The following CLSTN2 variants were observed in gnomAD, a reference collection of about 807,000 sequenced individuals.
The protein encoded by CLSTN2 is calsyntenin 2.
In CLSTN2, 48 loss-of-function variants were observed where a neutral mutation model predicts 101.2. The observed-to-expected ratio is 0.47, with a 90% confidence interval of 0.38 to 0.60. The LOEUF (loss-of-function observed/expected upper bound fraction) is 0.60, where lower values mean the gene tolerates loss of function less well. CLSTN2 is among the 20% of genes least tolerant of loss of function. The probability of loss-of-function intolerance (pLI) is 0.00; values close to 1 mark genes in which losing one functional copy is unlikely to be tolerated. For synonymous variants in CLSTN2, 481 were observed against 463.6 expected, an observed-to-expected ratio of 1.04 and a Z score of -0.48; for missense variants, 1,160 against 1,238.2, an observed-to-expected ratio of 0.94 and a Z score of 0.95.
chr3:140,140,602 C>G (rs2009682024), intron 1 of CLSTN2, among the ~76,000 whole-genome samples: 1 of 152,158 alleles, frequency 6.6e-6, no homozygotes, highest in African/African-American at 2.4e-5. Flanking sequence ...CTGGAGGGGA[C>G]AAATATCCAA....
intron 1 of CLSTN2, among the ~76,000 whole-genome samples, chr3:140,155,617 G>A (rs1157667189): frequency 6.6e-6 from 1 of 152,212 alleles, no homozygotes; most frequent in Non-Finnish European, 1.5e-5. Context: ...CAAAGCAAGT[G>A]ACTGGGTCTA....
At chr3:140,356,625 A>G (rs2087672873) in intron 2 of CLSTN2, among the ~76,000 whole-genome samples, 2 of 151,860 alleles carry the variant, frequency 1.3e-5, no homozygotes, top group East Asian at 3.9e-4. Flanking sequence ...GAGTGTGGTG[A>G]CGCACGCCTG....
chr3:140,296,474 T>G (rs1315200912), intron 2 of CLSTN2, among the ~76,000 whole-genome samples: 1 of 152,228 alleles, frequency 6.6e-6, no homozygotes, highest in East Asian at 1.9e-4. Context: ...ATTTCATATT[T>G]CTTTGATTAC....
At chr3:140,061,964 G>A (rs552462318) in intron 1 of CLSTN2, among the ~76,000 whole-genome samples, 1 of 152,184 alleles carries the variant, frequency 6.6e-6, no homozygotes, top group Non-Finnish European at 1.5e-5. Context: ...TCCTTTTATA[G>A]ACTGAAAGCT....
intron 1 of CLSTN2, among the ~76,000 whole-genome samples, chr3:139,968,446 A>AC (rs1483712231): frequency 4.6e-5 from 7 of 152,176 alleles, no homozygotes; most frequent in African/African-American, 1.4e-4. Flanking sequence ...CCACTATCAA[A>AC]AGGGCTTGTG....
chr3:140,131,438 C>T (rs1256942598), intron 1 of CLSTN2, among the ~76,000 whole-genome samples: 1 of 152,018 alleles, frequency 6.6e-6, no homozygotes, highest in Non-Finnish European at 1.5e-5. Flanking sequence ...GTGTGTTGAA[C>T]ATTTGCAATC....
At chr3:139,975,250 T>A (rs1935796176) in intron 1 of CLSTN2, among the ~76,000 whole-genome samples, 1 of 152,038 alleles carries the variant, frequency 6.6e-6, no homozygotes, top group Non-Finnish European at 1.5e-5. Context: ...GCTGAGGAAG[T>A]CTGCCAAGAT....
intron 2 of CLSTN2, among the ~76,000 whole-genome samples, chr3:140,234,856 A>G (rs540034602): frequency 3.6e-4 from 55 of 152,080 alleles, no homozygotes; most frequent in Non-Finnish European, 6.9e-4. Flanking sequence ...TCCCAAGCTT[A>G]TATTTTCTTG....
chr3:140,224,805 G>T (rs2086304404), intron 2 of CLSTN2, among the ~76,000 whole-genome samples: 1 of 152,120 alleles, frequency 6.6e-6, no homozygotes, highest in Admixed American at 6.5e-5. Flanking sequence ...ACTCTTGTTT[G>T]CTAATTCCTA....
intron 8 of CLSTN2, among the ~76,000 whole-genome samples, chr3:140,486,683 T>C (rs1351652895): frequency 3.9e-5 from 6 of 152,166 alleles, no homozygotes; most frequent in Admixed American, 3.9e-4. Context: ...GTAGTATCAT[T>C]GGCAAGAAGT....
rs12107084 is a variant in CLSTN2, at chr3:140,042,514, T to C, written c.109+107031T>C. ...TAGCCCAGATGCTTAATGACAGCTGTAGTTTCTTTTATTATTATTATTATT... is the reference window on the plus strand; with the variant it reads ...TAGCCCAGATGCTTAATGACAGCTGCAGTTTCTTTTATTATTATTATTATT... On this transcript the variant is annotated intron_variant, in intron 1 of 16. Transcript: ENST00000458420. Among the ~76,000 whole-genome samples the C allele has an allele frequency of 5.9e-3, 901 of 152,254 alleles. 14 individuals carry two copies. The highest frequency in any genetic ancestry group is 0.021 in the African/African-American group (862 of 41,572).
intron 2 of CLSTN2, among the ~76,000 whole-genome samples, chr3:140,331,486 C>T (rs1372268941): frequency 5.3e-5 from 8 of 152,218 alleles, no homozygotes; most frequent in Non-Finnish European, 7.3e-5. Context: ...CACCAGGCCA[C>T]ACCCTGAAGT....
intron 8 of CLSTN2, among the ~76,000 whole-genome samples, chr3:140,479,414 A>G (rs1261116277): frequency 2.0e-5 from 3 of 152,224 alleles, no homozygotes; most frequent in Non-Finnish European, 4.4e-5. Context: ...AGTTTCTACT[A>G]TGTATTATCC....
At chr3:140,452,288 G>C (rs569628556) in intron 6 of CLSTN2, among the ~76,000 whole-genome samples, 1 of 151,986 alleles carries the variant, frequency 6.6e-6, no homozygotes, top group South Asian at 2.1e-4. Flanking sequence ...CTTGGTCAGG[G>C]CACCTGCTTT....
intron 1 of CLSTN2, among the ~76,000 whole-genome samples, chr3:139,997,361 C>A (rs1483309634): frequency 6.6e-6 from 1 of 152,132 alleles, no homozygotes; most frequent in Non-Finnish European, 1.5e-5. Flanking sequence ...CGCAAACACA[C>A]ACAGAAGGTT....
rs1291346641 is a variant in CLSTN2 at position 140,202,325 on chromosome 3, T to A, written c.232+26252T>A. 2.6e-5 allele frequency among the ~76,000 whole-genome samples: 4 copies of A among 151,966 alleles called. No homozygotes were observed. The East Asian group carries it at 7.7e-4, about 29-fold the overall frequency. Reference sequence around the variant, plus strand: ...GTGGCTTATATCAGCAGGTGAGAAGTAGTGGGATTGTGGGTGGGTATGTTT... The same window carrying A: ...GTGGCTTATATCAGCAGGTGAGAAGAAGTGGGATTGTGGGTGGGTATGTTT... On this transcript the variant is annotated intron_variant, in intron 2 of 16. Coordinates refer to ENST00000458420, the MANE Select transcript of CLSTN2 (RefSeq NM_022131.3).
At chr3:140,480,025 A>G (rs967441798) in intron 8 of CLSTN2, among the ~76,000 whole-genome samples, 1 of 152,064 alleles carries the variant, frequency 6.6e-6, no homozygotes, top group Non-Finnish European at 1.5e-5. Flanking sequence ...ATATGTATAC[A>G]TGTGCCATGT....
intron 1 of CLSTN2, among the ~76,000 whole-genome samples, chr3:140,175,672 A>T (rs1037777874): frequency 3.3e-5 from 5 of 152,210 alleles, no homozygotes; most frequent in Admixed American, 6.5e-5. Flanking sequence ...TGGGATTTTG[A>T]CGAGGTGAAG....
intron 2 of CLSTN2, among the ~76,000 whole-genome samples, chr3:140,282,688 C>A (rs2086859563): frequency 6.6e-6 from 1 of 152,042 alleles, no homozygotes; most frequent in African/African-American, 2.4e-5. Context: ...CTGTGTACAC[C>A]AAGAAAACCA....
Sources: allele counts gnomAD v4.1 joint callset (sites outside exome capture counted in the v4.1 genomes callset), GRCh38; gene constraint gnomAD v4.1.1; transcripts MANE v1.5; gene names NCBI Gene and HGNC (gene_info 2026-07-23, HGNC 2026-07-21).